Variants in SOAT1 observed in about 807,000 individuals in gnomAD.
The protein encoded by SOAT1 is sterol O-acyltransferase 1.
A neutral mutation model predicts 69.5 loss-of-function variants in SOAT1; 55 were observed. That is an observed-to-expected ratio of 0.79 (90% CI 0.64 to 0.99). The LOEUF is 0.99. Ranked by LOEUF, SOAT1 falls within the 50% of genes least tolerant of loss-of-function variation. The pLI, the probability that SOAT1 is intolerant of heterozygous loss-of-function variation, is 0.00. For synonymous variants in SOAT1, 231 were observed against 224.7 expected, an observed-to-expected ratio of 1.03 and a Z score of -0.25; for missense variants, 580 against 669.3, an observed-to-expected ratio of 0.87 and a Z score of 1.47.
In SOAT1 at chr1:179,302,763, A is replaced by G; in HGVS notation, c.79A>G (p.Arg27Gly). 1 of 1,607,202 alleles carries G rather than the reference A, an allele frequency of 6.2e-7. No individual in the cohort carries two copies. Among genetic ancestry groups the G allele is most frequent in the Non-Finnish European group, 8.5e-7 (1 of 1,178,352 alleles). ...RENPEEDEDQ[R>G]NPAKESLETP... ...AAATCCTGAGGAAGATGAAGACCAGAGAAACCCTGCAAAGGAGTCCCTAGA... is the reference window on the plus strand; with the variant it reads ...AAATCCTGAGGAAGATGAAGACCAGGGAAACCCTGCAAAGGAGTCCCTAGA... Residue 27 changes from arginine (R) to glycine (G), a missense_variant, in exon 2 of 16, where the codon AGA becomes GGA. Transcript: ENST00000367619.
intron 10 of SOAT1, among the ~76,000 whole-genome samples, chr1:179,343,973 T>G (rs1326975879): frequency 6.6e-6 from 1 of 151,970 alleles, no homozygotes; most frequent in Non-Finnish European, 1.5e-5. Flanking sequence ...ATACAAAAAT[T>G]AGCCTGGCGT....
intron 11 of SOAT1, among the ~76,000 whole-genome samples, chr1:179,345,882 T>G (rs1374749811): frequency 2.6e-5 from 4 of 151,404 alleles, no homozygotes; most frequent in African/African-American, 9.7e-5. Context: ...CCTCCTGTCT[T>G]TCCGACCATA....
chr1:179,338,688 A>C (rs1289534786), intron 5 of SOAT1, among the ~76,000 whole-genome samples: 1 of 152,204 alleles, frequency 6.6e-6, no homozygotes, highest in Non-Finnish European at 1.5e-5. Context: ...AATTTATTTT[A>C]AACATTATAA....
chr1:179,328,603 A>G (rs973532788), intron 3 of SOAT1, among the ~76,000 whole-genome samples: 2 of 152,212 alleles, frequency 1.3e-5, no homozygotes, highest in Non-Finnish European at 2.9e-5. Flanking sequence ...AGAAAAATGA[A>G]TATGTTAAGA....
chr1:179,317,290 T>C (rs1428330290), intron 2 of SOAT1, among the ~76,000 whole-genome samples: 3 of 152,138 alleles, frequency 2.0e-5, no homozygotes, highest in African/African-American at 7.2e-5. Flanking sequence ...TCCTAGCACT[T>C]TGGAAGGCCG....
rs991864173 is a variant in SOAT1, at chr1:179,312,065, A to G, written c.118+9263A>G. 5.3e-5 allele frequency among the ~76,000 whole-genome samples: 8 copies of G among 152,302 alleles called. No homozygotes were observed. In the East Asian group the frequency reaches 1.5e-3, roughly 29 times the overall value. ...TTTGGTACCAAAACTGAACAACTAA[A>G]AGTTACTTGGTGGGGCTGGGACTTG... is the stretch of plus-strand genomic sequence containing the variant. On this transcript the variant is annotated intron_variant, in intron 2 of 15. Coordinates refer to ENST00000367619, the MANE Select transcript of SOAT1 (RefSeq NM_003101.6).
chr1:179,326,797 G>C (rs1035057853), intron 3 of SOAT1, among the ~76,000 whole-genome samples: 5 of 151,932 alleles, frequency 3.3e-5, no homozygotes, highest in African/African-American at 1.2e-4. Context: ...GGCCTCAAAT[G>C]ATCCACCCCA....
chr1:179,342,062 A>G, intron 7 of SOAT1, 52 bp from the exon 8 acceptor site: 1 of 1,610,638 alleles, frequency 6.2e-7, no homozygotes, highest in Non-Finnish European at 8.5e-7. Flanking sequence ...TGGAAAGGAC[A>G]CTTGCAGGAG....
intron 13 of SOAT1, 62 bp downstream of exon 13, chr1:179,349,004 G>C (rs894811823): frequency 1.1e-6 from 1 of 906,974 alleles, no homozygotes; most frequent in Non-Finnish European, 1.8e-6. Context: ...CAGAAAGTAT[G>C]AGTATTATAC....
Position 179,308,425 on chromosome 1 carries a change from A to G in SOAT1, c.118+5623A>G, listed in dbSNP as rs553861110. On this transcript the variant is annotated intron_variant, in intron 2 of 15. Coordinates refer to ENST00000367619, the MANE Select transcript of SOAT1 (RefSeq NM_003101.6). ...GGTGGCTCACTCCTGTAATCCCAGCACTTTGGGAGGCCGAGGCAGGCAGAT... is the reference window on the plus strand; with the variant it reads ...GGTGGCTCACTCCTGTAATCCCAGCGCTTTGGGAGGCCGAGGCAGGCAGAT... Among the ~76,000 whole-genome samples, 3 of 152,134 alleles carry G rather than the reference A, an allele frequency of 2.0e-5. No individual in the cohort carries two copies. In the East Asian group the frequency reaches 5.8e-4, roughly 29 times the overall value.
At chr1:179,339,353 A>G (rs1666254915) in intron 5 of SOAT1, 85 bp from the exon 6 acceptor site, 1 of 852,160 alleles carries the variant, frequency 1.2e-6, no homozygotes, top group Non-Finnish European at 1.8e-6. Flanking sequence ...AACTGCTTTA[A>G]GTTAACTGCT....
intron 3 of SOAT1, among the ~76,000 whole-genome samples, chr1:179,330,412 C>T (rs951977073): frequency 1.3e-5 from 2 of 152,134 alleles, no homozygotes; most frequent in African/African-American, 4.8e-5. Flanking sequence ...TTGGGGAAGT[C>T]ACAAATCTTG....
chr1:179,317,490 G>C (rs545230783), intron 2 of SOAT1, among the ~76,000 whole-genome samples: 1 of 139,812 alleles, frequency 7.2e-6, no homozygotes, highest in East Asian at 2.2e-4. Flanking sequence ...CCGAGATCGC[G>C]CCACTACCCT....
intron 1 of SOAT1, among the ~76,000 whole-genome samples, chr1:179,302,333 C>T (rs1664858157): frequency 6.6e-6 from 1 of 152,232 alleles, no homozygotes; most frequent in Non-Finnish European, 1.5e-5. Context: ...CAAATCTCAT[C>T]TCTAACTGTA....
intron 2 of SOAT1, among the ~76,000 whole-genome samples, chr1:179,305,119 C>T (rs1664959877): frequency 6.6e-6 from 1 of 152,200 alleles, no homozygotes; most frequent in Non-Finnish European, 1.5e-5. Flanking sequence ...CTCTTAGCCT[C>T]TAGCAACCAC....
chr1:179,340,981 A>G (rs569403040), intron 6 of SOAT1, 47 bp from the exon 7 acceptor site: 8 of 1,569,902 alleles, frequency 5.1e-6, no homozygotes, highest in African/African-American at 1.4e-5. Context: ...CTCAGTGTAT[A>G]TTAAAAATTC....
At chr1:179,315,064 C>T (rs968551761) in intron 2 of SOAT1, among the ~76,000 whole-genome samples, 2 of 152,160 alleles carry the variant, frequency 1.3e-5, no homozygotes, top group East Asian at 3.8e-4. Context: ...AATTACATCA[C>T]CCTCAGTCCT....
At chr1:179,337,788 T>C (rs1558053188) in intron 4 of SOAT1, 49 bp from the exon 5 acceptor site, 4 of 1,339,934 alleles carry the variant, frequency 3.0e-6, no homozygotes, top group Non-Finnish European at 4.2e-6. Flanking sequence ...TTAGATTTCT[T>C]ATAATACTTG....
chr1:179,301,909 ATCT>A (rs540873247), intron 1 of SOAT1, among the ~76,000 whole-genome samples: 347 of 152,000 alleles, frequency 2.3e-3, no homozygotes, highest in African/African-American at 7.9e-3. Context: ...AAACCTTTAC[ATCT>A]TCTGCTAATC....
Sources: allele counts gnomAD v4.1 joint callset (sites outside exome capture counted in the v4.1 genomes callset), GRCh38; gene constraint gnomAD v4.1.1; transcripts MANE v1.5; gene names NCBI Gene and HGNC (gene_info 2026-07-23, HGNC 2026-07-21).